DSCAM: variants seen among roughly 807,000 people sequenced by gnomAD.
DSCAM encodes the protein cell adhesion molecule DSCAM.
DSCAM carries 47 observed loss-of-function variants against 217.7 expected under a neutral mutation model. The observed-to-expected ratio is 0.22, with a 90% CI of 0.17 to 0.28. The LOEUF (loss-of-function observed/expected upper bound fraction) is 0.28, where lower values mean the gene tolerates loss of function less well. Ranked by LOEUF, DSCAM falls within the 10% of genes least tolerant of loss-of-function variation. DSCAM has a pLI of 1.00. For synonymous variants in DSCAM, 1,056 were observed against 1,015.3 expected, an observed-to-expected ratio of 1.04 and a Z score of -0.76; for missense variants, 2,080 against 2,618.3, an observed-to-expected ratio of 0.79 and a Z score of 4.49.
intron 9 of DSCAM, among the ~76,000 whole-genome samples, chr21:40,311,213 T>G (rs372961194): frequency 6.6e-6 from 1 of 152,332 alleles, no homozygotes; most frequent in East Asian, 1.9e-4. Context: ...AAAATGCAAA[T>G]AATCATTGTT....
At chr21:40,770,005 C>T (rs981919885) in intron 1 of DSCAM, among the ~76,000 whole-genome samples, 6 of 152,178 alleles carry the variant, frequency 3.9e-5, no homozygotes, top group Admixed American at 2.0e-4. Context: ...CTTCAAAATG[C>T]AATTGCAGGG....
At chr21:40,755,222 C>T (rs538502789) in intron 1 of DSCAM, among the ~76,000 whole-genome samples, 7 of 152,010 alleles carry the variant, frequency 4.6e-5, no homozygotes, top group East Asian at 1.9e-4. Context: ...CAGAGGTGGG[C>T]GGATCATGAG....
At chr21:40,259,019 G>C (rs58404973) in intron 11 of DSCAM, among the ~76,000 whole-genome samples, 20,528 of 152,198 alleles carry the variant, frequency 0.13, 3,543 homozygotes, top group African/African-American at 0.39. Context: ...AATTTATGTT[G>C]AAGTGCTATT....
chr21:40,646,414 A>T (rs78784533), intron 3 of DSCAM, among the ~76,000 whole-genome samples: 49,730 of 140,104 alleles, frequency 0.35, 9,370 homozygotes, highest in East Asian at 0.5. Flanking sequence ...CTCTGTCAAA[A>T]AAAAAAAAAA....
intron 4 of DSCAM, among the ~76,000 whole-genome samples, chr21:40,367,122 C>T (rs117429824): frequency 0.023 from 3,571 of 152,296 alleles, 92 homozygotes; most frequent in Admixed American, 0.077. Flanking sequence ...TTACCAGCCA[C>T]TCTAATGGCC....
intron 3 of DSCAM, among the ~76,000 whole-genome samples, chr21:40,547,923 C>A (rs1016513006): frequency 6.6e-6 from 1 of 152,134 alleles, no homozygotes; most frequent in Non-Finnish European, 1.5e-5. Flanking sequence ...CGCAGTGTCC[C>A]GCAGCCCCCC....
intron 1 of DSCAM, among the ~76,000 whole-genome samples, chr21:40,765,098 A>AG (rs55907210): frequency 0.35 from 45,406 of 128,254 alleles, 7,748 homozygotes; most frequent in South Asian, 0.42. Context: ...CATGTATCAC[A>AG]GAAAAAAAAA....
intron 20 of DSCAM, among the ~76,000 whole-genome samples, chr21:40,105,071 C>T (rs575781548): frequency 2.0e-5 from 3 of 152,178 alleles, no homozygotes; most frequent in African/African-American, 7.2e-5. Context: ...TTTCCAGGGC[C>T]TCTTTCTGTA....
intron 29 of DSCAM, among the ~76,000 whole-genome samples, chr21:40,053,128 C>CA (rs1281007294): frequency 6.6e-6 from 1 of 152,070 alleles, no homozygotes; most frequent in African/African-American, 2.4e-5. Flanking sequence ...CTTCTGTGCC[C>CA]AAAAAAGGCT....
chr21:40,272,038 G>A (rs535744284), intron 11 of DSCAM, among the ~76,000 whole-genome samples: 6 of 151,964 alleles, frequency 3.9e-5, no homozygotes, highest in African/African-American at 1.2e-4. Context: ...TAAAATGATT[G>A]AGACTTGTCT....
At chr21:40,545,959 C>T (rs886143359) in intron 3 of DSCAM, among the ~76,000 whole-genome samples, 3 of 152,194 alleles carry the variant, frequency 2.0e-5, no homozygotes, top group African/African-American at 7.2e-5. Context: ...GGTTTCCAGC[C>T]TTGGCGAGCC....
At chr21:40,039,114 A>C (rs899905672) in intron 32 of DSCAM, among the ~76,000 whole-genome samples, 1 of 152,096 alleles carries the variant, frequency 6.6e-6, no homozygotes, top group Non-Finnish European at 1.5e-5. Flanking sequence ...ACATGTATAC[A>C]TATGTAACTA....
intron 3 of DSCAM, among the ~76,000 whole-genome samples, chr21:40,420,799 C>T (rs1460163631): frequency 6.6e-6 from 1 of 152,070 alleles, no homozygotes; most frequent in African/African-American, 2.4e-5. Flanking sequence ...CAACAAAATG[C>T]CAAAGATTAC....
At chr21:40,085,399 T>A (rs2089518574) in intron 23 of DSCAM, among the ~76,000 whole-genome samples, 1 of 152,196 alleles carries the variant, frequency 6.6e-6, no homozygotes, top group Non-Finnish European at 1.5e-5. Flanking sequence ...ATCTCAGTAT[T>A]TCTGAGGTTG....
At chr21:40,073,534 C>T (rs538378998) in intron 27 of DSCAM, among the ~76,000 whole-genome samples, 1 of 152,276 alleles carries the variant, frequency 6.6e-6, no homozygotes, top group South Asian at 2.1e-4. Flanking sequence ...TCAACATGGT[C>T]CACATTATAT....
chr21:40,070,178 G>C (rs2089270327), intron 27 of DSCAM, among the ~76,000 whole-genome samples: 1 of 150,012 alleles, frequency 6.7e-6, no homozygotes, highest in Non-Finnish European at 1.5e-5. Context: ...GAAAGAAAGA[G>C]AGAGGAAGAG....
intron 11 of DSCAM, among the ~76,000 whole-genome samples, chr21:40,266,651 A>ATATATATT (rs1305930626): frequency 4.8e-5 from 6 of 123,912 alleles, no homozygotes; most frequent in African/African-American, 1.3e-4. Flanking sequence ...ATATATATAT[A>ATATATATT]TATATATATA....
intron 3 of DSCAM, among the ~76,000 whole-genome samples, chr21:40,447,514 T>C (rs746824756): frequency 7.2e-5 from 11 of 152,196 alleles, no homozygotes; most frequent in Non-Finnish European, 1.0e-4. Context: ...CACAAAACAT[T>C]ACTCAAATTA....
At chr21:40,358,711 A>T (rs1442826773) in intron 4 of DSCAM, among the ~76,000 whole-genome samples, 1 of 151,800 alleles carries the variant, frequency 6.6e-6, no homozygotes, top group Non-Finnish European at 1.5e-5. Context: ...CAGAGGCAGG[A>T]TAATAGCTTG....
Sources: allele counts gnomAD v4.1 joint callset (sites outside exome capture counted in the v4.1 genomes callset), GRCh38; gene constraint gnomAD v4.1.1; transcripts MANE v1.5; gene names NCBI Gene and HGNC (gene_info 2026-07-23, HGNC 2026-07-21).